Variants in LDB2 observed in about 807,000 individuals in gnomAD.
The protein encoded by LDB2 is LIM domain binding 2, also known as LIM domain-binding protein 2.
LDB2 carries 12 observed loss-of-function variants against 44.3 expected under a neutral mutation model. The ratio of observed to expected loss-of-function variants is 0.27; its 90% CI spans 0.17 to 0.44. The LOEUF (loss-of-function observed/expected upper bound fraction) is 0.44, where lower values mean the gene tolerates loss of function less well. Among genes scored for constraint, LDB2 ranks in the 20% least tolerant of loss-of-function variants. The pLI, the probability that LDB2 is intolerant of heterozygous loss-of-function variation, is 1.00. For synonymous variants in LDB2, 164 were observed against 174.8 expected, an observed-to-expected ratio of 0.94 and a Z score of 0.49; for missense variants, 344 against 473.5, an observed-to-expected ratio of 0.73 and a Z score of 2.54.
rs1001440076 is a variant in LDB2 at position 16,882,811 on chromosome 4, C to T, written c.132+15543G>A. ...CAAGCAGTTTTTAAAATAGTACACA[C>T]AAGTGATCATTTCCATGCAGTTTAA... is the stretch of plus-strand genomic sequence containing the variant. On this transcript the variant is annotated intron_variant, in intron 1 of 7. Transcript: ENST00000304523. Among the ~76,000 whole-genome samples the T allele has an allele frequency of 2.0e-5, 3 of 152,022 alleles. No homozygotes were observed. In the South Asian group the frequency reaches 6.2e-4, roughly 32 times the overall value.
chr4:16,831,625 T>C (rs1025238575), intron 1 of LDB2, among the ~76,000 whole-genome samples: 2 of 152,182 alleles, frequency 1.3e-5, no homozygotes, highest in South Asian at 2.1e-4. Flanking sequence ...GGCATCCAAG[T>C]AACTGAGGAC....
At chr4:16,592,499 T>TACACAC (rs1719435237) in intron 3 of LDB2, among the ~76,000 whole-genome samples, 2 of 136,808 alleles carry the variant, frequency 1.5e-5, no homozygotes, top group East Asian at 2.1e-4. Context: ...TATATATATA[T>TACACAC]ATATATACAC....
At chr4:16,868,076 T>A (rs1034339513) in intron 1 of LDB2, among the ~76,000 whole-genome samples, 1 of 152,220 alleles carries the variant, frequency 6.6e-6, no homozygotes, top group Admixed American at 6.5e-5. Flanking sequence ...TTTCTTTTAA[T>A]CACATTAGAC....
chr4:16,768,986 C>T (rs1350223845), intron 1 of LDB2, among the ~76,000 whole-genome samples: 1 of 152,198 alleles, frequency 6.6e-6, no homozygotes, highest in East Asian at 1.9e-4. Context: ...CAAGTTTAGA[C>T]TCATGACTGC....
At chr4:16,742,709 T>C (rs763301531) in intron 2 of LDB2, among the ~76,000 whole-genome samples, 3 of 151,922 alleles carry the variant, frequency 2.0e-5, no homozygotes, top group Non-Finnish European at 4.4e-5. Flanking sequence ...TACCCAAGAG[T>C]GTCCCCATCA....
chr4:16,829,359 G>A (rs1783641955), intron 1 of LDB2, among the ~76,000 whole-genome samples: 1 of 152,098 alleles, frequency 6.6e-6, no homozygotes, highest in Non-Finnish European at 1.5e-5. Flanking sequence ...CAGAGAAACT[G>A]ACACAAATAA....
At chr4:16,785,506 A>G (rs542997808) in intron 1 of LDB2, among the ~76,000 whole-genome samples, 1 of 152,312 alleles carries the variant, frequency 6.6e-6, no homozygotes, top group East Asian at 1.9e-4. Flanking sequence ...ACAGGCCAAA[A>G]TGTAATGTGG....
At chr4:16,534,573 T>C (rs916125937) in intron 5 of LDB2, among the ~76,000 whole-genome samples, 2 of 152,224 alleles carry the variant, frequency 1.3e-5, no homozygotes, top group African/African-American at 2.4e-5. Flanking sequence ...CTCAAGTAGC[T>C]TAAAAGGGCT....
intron 1 of LDB2, among the ~76,000 whole-genome samples, chr4:16,852,349 C>A (rs1788442452): frequency 6.6e-6 from 1 of 152,172 alleles, no homozygotes; most frequent in Admixed American, 6.5e-5. Context: ...GCGTCAGATA[C>A]ACGAAAAGAC....
chr4:16,569,364 T>C (rs1263658720), intron 5 of LDB2, among the ~76,000 whole-genome samples: 2 of 152,096 alleles, frequency 1.3e-5, no homozygotes, highest in African/African-American at 4.8e-5. Flanking sequence ...GTTTAGAAAT[T>C]AGGCTTGAAG....
chr4:16,685,723 G>A (rs1348057131), intron 2 of LDB2, among the ~76,000 whole-genome samples: 2 of 152,174 alleles, frequency 1.3e-5, no homozygotes, highest in African/African-American at 4.8e-5. Flanking sequence ...CTCAGAATCC[G>A]GAAGCATTCT....
intron 2 of LDB2, among the ~76,000 whole-genome samples, chr4:16,637,299 A>ATTTTTTGT (rs1733862588): frequency 1.2e-5 from 1 of 85,480 alleles, no homozygotes; most frequent in Non-Finnish European, 2.0e-5. Flanking sequence ...GCCTAGGCTG[A>ATTTTTTGT]TTTTTTTTTT....
chr4:16,682,726 G>A (rs2152569773), intron 2 of LDB2, among the ~76,000 whole-genome samples: 1 of 152,332 alleles, frequency 6.6e-6, no homozygotes, highest in East Asian at 1.9e-4. Context: ...AGCTTTGCCT[G>A]CACCTGGTTC....
intron 5 of LDB2, among the ~76,000 whole-genome samples, chr4:16,518,769 GC>G (rs1488087688): frequency 6.6e-6 from 1 of 152,202 alleles, no homozygotes; most frequent in Non-Finnish European, 1.5e-5. Flanking sequence ...AGAGCTTGAG[GC>G]AGAGCATGTT....
Position 16,564,087 on chromosome 4 carries a change from T to A in LDB2, c.615+21835A>T, listed in dbSNP as rs539929486. Reference sequence around the variant, plus strand: ...CTTTCTTTTTGAGCTTCCCCCTTCTTAATGGTCTTCAAGATTTTAATTACC... The same window carrying A: ...CTTTCTTTTTGAGCTTCCCCCTTCTAAATGGTCTTCAAGATTTTAATTACC... On this transcript the variant is annotated intron_variant, in intron 5 of 7. Coordinates refer to ENST00000304523, the MANE Select transcript of LDB2 (RefSeq NM_001290.5). 2.2e-3 allele frequency among the ~76,000 whole-genome samples: 336 copies of A among 152,292 alleles called. 2 individuals are homozygous for A. The highest frequency in any genetic ancestry group is 3.4e-3 in the Non-Finnish European group (231 of 68,014).
intron 1 of LDB2, among the ~76,000 whole-genome samples, chr4:16,761,032 A>G (rs1421507705): frequency 6.6e-6 from 1 of 151,698 alleles, no homozygotes; most frequent in Admixed American, 6.6e-5. Context: ...TCTTCAATAC[A>G]AATATAAGCT....
At chr4:16,665,729 A>C (rs1479884121) in intron 2 of LDB2, among the ~76,000 whole-genome samples, 2 of 152,196 alleles carry the variant, frequency 1.3e-5, no homozygotes, top group East Asian at 3.9e-4. Context: ...AGATATGTCC[A>C]TTTGGAACGT....
intron 5 of LDB2, among the ~76,000 whole-genome samples, chr4:16,540,859 C>T (rs1231986322): frequency 1.3e-5 from 2 of 152,080 alleles, no homozygotes; most frequent in Non-Finnish European, 2.9e-5. Context: ...ACTTTTTTAT[C>T]TTTATCCCAA....
At chr4:16,893,154 C>T (rs763607023) in intron 1 of LDB2, 1 of 669,352 alleles carries the variant, frequency 1.5e-6, no homozygotes, top group Non-Finnish European at 1.8e-6. Flanking sequence ...CTTTTGGTTT[C>T]ATTTAACATT....
Sources: allele counts gnomAD v4.1 joint callset (sites outside exome capture counted in the v4.1 genomes callset), GRCh38; gene constraint gnomAD v4.1.1; transcripts MANE v1.5; gene names NCBI Gene and HGNC (gene_info 2026-07-23, HGNC 2026-07-21).